SLC24A2: variants seen among roughly 807,000 people sequenced by gnomAD.
The protein encoded by SLC24A2 is solute carrier family 24 member 2, also known as sodium/potassium/calcium exchanger 2.
SLC24A2 carries 36 observed loss-of-function variants against 62.0 expected under a neutral mutation model. The ratio of observed to expected loss-of-function variants is 0.58; its 90% CI spans 0.44 to 0.77. The LOEUF (loss-of-function observed/expected upper bound fraction) is 0.77. Among genes scored for constraint, SLC24A2 ranks in the 30% least tolerant of loss-of-function variants. The pLI is 0.00. For synonymous variants in SLC24A2, 358 were observed against 294.0 expected (o/e 1.22, Z -2.23); for missense variants, 846 against 817.9 (o/e 1.03, Z -0.42).
the SLC24A2 span, among the ~76,000 whole-genome samples, chr9:20,119,781 T>C: frequency 6.6e-6 from 1 of 152,174 alleles, no homozygotes. Flanking sequence ...AAAAAAGTAA[T>C]AGTCATAAAG....
At chr9:20,127,197 T>C in the SLC24A2 span, among the ~76,000 whole-genome samples, 250 of 152,240 alleles carry the variant, frequency 1.6e-3, no homozygotes, top group Non-Finnish European at 3.1e-3. Flanking sequence ...GAATGTTTCC[T>C]CTCTCCTTCA....
chr9:20,098,821 T>C, the SLC24A2 span, among the ~76,000 whole-genome samples: 2 of 152,344 alleles, frequency 1.3e-5, no homozygotes, highest in South Asian at 4.1e-4. Context: ...GGGAAAAATC[T>C]CTCACAGTTT....
chr9:19,990,922 G>GATATATATGTGTGTATATATATATAT, the SLC24A2 span, among the ~76,000 whole-genome samples: 7 of 120,812 alleles, frequency 5.8e-5, no homozygotes, highest in Non-Finnish European at 1.1e-4. Flanking sequence ...GGACTAATAG[G>GATATATATGTGTGTATATATATATAT]ATATATATAT....
chr9:19,605,668 G>C (rs1350965627), intron 4 of SLC24A2, among the ~76,000 whole-genome samples: 2 of 152,162 alleles, frequency 1.3e-5, no homozygotes, highest in African/African-American at 4.8e-5. Flanking sequence ...CTAAAATTTT[G>C]ATGGCTGCAA....
chr9:19,974,322 T>A, the SLC24A2 span, among the ~76,000 whole-genome samples: 1 of 152,160 alleles, frequency 6.6e-6, no homozygotes, highest in Non-Finnish European at 1.5e-5. Flanking sequence ...TAGTGAAATT[T>A]CTCCAAATGA....
chr9:20,180,391 C>T, the SLC24A2 span, among the ~76,000 whole-genome samples: 122,997 of 152,064 alleles, frequency 0.81, 50,942 homozygotes, highest in Non-Finnish European at 0.9. Flanking sequence ...AATGGTGTGT[C>T]TGTTACCCGT....
chr9:19,519,574 C>T (rs1308056146), intron 10 of SLC24A2, among the ~76,000 whole-genome samples: 1 of 152,120 alleles, frequency 6.6e-6, no homozygotes, highest in African/African-American at 2.4e-5. Context: ...TTCATTCATC[C>T]ATCCATCCAT....
chr9:20,285,783 T>C, the SLC24A2 span, among the ~76,000 whole-genome samples: 3 of 152,132 alleles, frequency 2.0e-5, no homozygotes, highest in African/African-American at 7.2e-5. Flanking sequence ...TCTATATGAC[T>C]GGTGTCTATA....
intron 2 of SLC24A2, among the ~76,000 whole-genome samples, chr9:19,717,845 T>C (rs1342054940): frequency 6.6e-6 from 1 of 152,192 alleles, no homozygotes; most frequent in East Asian, 1.9e-4. Flanking sequence ...AAATAATTAG[T>C]TCTTCAGTGA....
At chr9:19,566,902 T>C (rs1028146577) in intron 7 of SLC24A2, among the ~76,000 whole-genome samples, 21 of 151,554 alleles carry the variant, frequency 1.4e-4, no homozygotes, top group African/African-American at 3.9e-4. Flanking sequence ...TAGGTGGAAA[T>C]TGAACAATGA....
At chr9:20,017,110 T>A in the SLC24A2 span, among the ~76,000 whole-genome samples, 1 of 152,090 alleles carries the variant, frequency 6.6e-6, no homozygotes, top group Non-Finnish European at 1.5e-5. Flanking sequence ...GCAACCTCTG[T>A]CTCTTGACTT....
At chr9:19,860,186 C>T in the SLC24A2 span, among the ~76,000 whole-genome samples, 5 of 152,112 alleles carry the variant, frequency 3.3e-5, no homozygotes, top group African/African-American at 1.2e-4. Context: ...AAAAAGAGAC[C>T]CCTTCCTTTG....
At chr9:20,025,546 C>G in the SLC24A2 span, among the ~76,000 whole-genome samples, 1 of 152,074 alleles carries the variant, frequency 6.6e-6, no homozygotes. Context: ...ATAGTTATGA[C>G]CATAAGAATG....
intron 9 of SLC24A2, among the ~76,000 whole-genome samples, chr9:19,523,491 C>G (rs541182383): frequency 7.2e-5 from 11 of 152,070 alleles, no homozygotes; most frequent in Non-Finnish European, 1.3e-4. Flanking sequence ...GAGACGGAGT[C>G]TCGTTCTGTT....
chr9:20,102,846 C>A, the SLC24A2 span, among the ~76,000 whole-genome samples: 1 of 152,116 alleles, frequency 6.6e-6, no homozygotes, highest in African/African-American at 2.4e-5. Flanking sequence ...ACAGTGGGCG[C>A]AGGACAGTAG....
intron 8 of SLC24A2, among the ~76,000 whole-genome samples, chr9:19,543,711 T>C (rs1834400689): frequency 6.6e-6 from 1 of 152,220 alleles, no homozygotes; most frequent in Non-Finnish European, 1.5e-5. Flanking sequence ...CAGGAGCATG[T>C]TGTTCAATTT....
chr9:19,542,193 A>T (rs1586923059), intron 8 of SLC24A2, among the ~76,000 whole-genome samples: 1 of 152,230 alleles, frequency 6.6e-6, no homozygotes, highest in African/African-American at 2.4e-5. Context: ...GGAGCTGTAG[A>T]CCGGAGCTGT....
At chr9:20,141,801 A>C in the SLC24A2 span, among the ~76,000 whole-genome samples, 1 of 152,132 alleles carries the variant, frequency 6.6e-6, no homozygotes, top group Non-Finnish European at 1.5e-5. Context: ...TAATTTAAAA[A>C]GGCGGGCCAC....
chr9:19,970,307 T>G, the SLC24A2 span, among the ~76,000 whole-genome samples: 1 of 152,082 alleles, frequency 6.6e-6, no homozygotes, highest in African/African-American at 2.4e-5. Context: ...GCAGGGGGAG[T>G]ACATATTTCC....
Sources: gnomAD v4.1 joint callset for allele counts (sites outside exome capture counted in the v4.1 genomes callset) on GRCh38, gnomAD v4.1.1 for gene constraint, MANE v1.5 for transcripts, NCBI Gene and HGNC (gene_info 2026-07-23, HGNC 2026-07-21) for gene names.